Variants in PRKN observed in about 807,000 individuals in gnomAD.
The protein encoded by PRKN is E3 ubiquitin-protein ligase parkin.
In PRKN, 56 loss-of-function variants were observed where a neutral mutation model predicts 59.5. That is an observed-to-expected ratio of 0.94 (90% CI 0.76 to 1.18). The LOEUF (loss-of-function observed/expected upper bound fraction) is 1.18. PRKN is among the 50% of genes most tolerant of loss of function. PRKN has a pLI of 0.00. For missense variants in PRKN, 657 were observed against 596.4 expected (o/e 1.10, Z -1.06); for synonymous variants, 250 against 222.1 (o/e 1.13, Z -1.12).
chr6:162,139,530 A>G (rs1378807081), intron 4 of PRKN, among the ~76,000 whole-genome samples: 5 of 152,110 alleles, frequency 3.3e-5, no homozygotes, highest in Non-Finnish European at 2.9e-5. Context: ...GAGAATCAGC[A>G]TGGCAGTATG....
intron 2 of PRKN, among the ~76,000 whole-genome samples, chr6:162,282,273 C>A (rs2128106660): frequency 6.6e-6 from 1 of 152,186 alleles, no homozygotes; most frequent in Admixed American, 6.5e-5. Context: ...AACAAAGATC[C>A]TGTCCATATT....
At chr6:161,846,043 G>T (rs1793185585) in intron 6 of PRKN, among the ~76,000 whole-genome samples, 1 of 152,106 alleles carries the variant, frequency 6.6e-6, no homozygotes, top group Non-Finnish European at 1.5e-5. Flanking sequence ...GCTGAATTTG[G>T]TCCCAACTTC....
intron 9 of PRKN, among the ~76,000 whole-genome samples, chr6:161,490,130 C>G (rs9365293): frequency 0.41 from 62,976 of 151,974 alleles, 15,956 homozygotes; most frequent in Middle Eastern, 0.58. Flanking sequence ...CTCCTCTAGT[C>G]AAGTTGAAGA....
intron 6 of PRKN, among the ~76,000 whole-genome samples, chr6:161,861,519 C>A (rs1212684331): frequency 6.6e-6 from 1 of 151,850 alleles, no homozygotes. Flanking sequence ...GTGCAGCAAA[C>A]CACCATGGCA....
rs1366597724 is a variant in PRKN at position 162,186,538 on chromosome 6, G to A, written c.534+14593C>T. Among the ~76,000 whole-genome samples the A allele has an allele frequency of 2.6e-5, 4 of 152,230 alleles. No homozygotes were observed. In the East Asian group the frequency reaches 7.7e-4, roughly 29 times the overall value. On this transcript the variant is annotated intron_variant, in intron 4 of 11. Coordinates refer to ENST00000366898, the MANE Select transcript of PRKN (RefSeq NM_004562.3). Reference sequence around the variant, plus strand: ...AGACTCCACTCAGAGAGCTTGATATGGCTCTTCTAGAGTTAAGGAGAAACA... The same window carrying A: ...AGACTCCACTCAGAGAGCTTGATATAGCTCTTCTAGAGTTAAGGAGAAACA...
intron 1 of PRKN, among the ~76,000 whole-genome samples, chr6:162,621,146 C>T (rs1237406573): frequency 2.6e-5 from 4 of 152,114 alleles, no homozygotes; most frequent in Non-Finnish European, 4.4e-5. Flanking sequence ...TTACATCTGT[C>T]TATTGATGCC....
chr6:162,631,868 G>A (rs1783121613), intron 1 of PRKN, among the ~76,000 whole-genome samples: 1 of 151,630 alleles, frequency 6.6e-6, no homozygotes, highest in African/African-American at 2.4e-5. Context: ...TTTATATAGG[G>A]TGAAAGGCAT....
intron 9 of PRKN, among the ~76,000 whole-genome samples, chr6:161,491,262 G>A (rs1192418924): frequency 1.3e-5 from 2 of 152,144 alleles, no homozygotes; most frequent in Admixed American, 1.3e-4. Context: ...GATGGGCAGG[G>A]TGATGCCTGA....
At chr6:161,930,439 T>A (rs1008438314) in intron 6 of PRKN, among the ~76,000 whole-genome samples, 14 of 152,236 alleles carry the variant, frequency 9.2e-5, no homozygotes, top group African/African-American at 3.1e-4. Context: ...CAAGTCATCA[T>A]GGATCACAGG....
intron 2 of PRKN, among the ~76,000 whole-genome samples, chr6:162,434,447 T>C (rs1386718816): frequency 6.6e-6 from 1 of 152,184 alleles, no homozygotes; most frequent in Non-Finnish European, 1.5e-5. Flanking sequence ...TTTCAGTTAA[T>C]TTAACTTCTG....
Position 161,503,368 on chromosome 6 carries a change from C to A in PRKN, c.1083+45486G>T, listed in dbSNP as rs1169382900. On this transcript the variant is annotated intron_variant, in intron 9 of 11. Transcript: ENST00000366898. The surrounding 1 kb of genome is among the most constrained non-coding windows in gnomAD (Gnocchi z 5.1). ...GACTCATGAACTTCTGTTTGCTGCACACTGTGCTCTTTCTGTGGGTTATTC... is the reference window on the plus strand; with the variant it reads ...GACTCATGAACTTCTGTTTGCTGCAAACTGTGCTCTTTCTGTGGGTTATTC... 1.3e-5 allele frequency among the ~76,000 whole-genome samples: 2 copies of A among 152,178 alleles called. No individual in the cohort carries two copies. The highest frequency in any genetic ancestry group is 4.8e-5 in the African/African-American group (2 of 41,434).
rs886086982 is a variant in PRKN at position 161,538,958 on chromosome 6, G to C, written c.1083+9896C>G. 6.6e-6 allele frequency among the ~76,000 whole-genome samples: 1 copy of C among 152,120 alleles called. No individual in the cohort carries two copies. Among genetic ancestry groups the C allele is most frequent in the Non-Finnish European group, 1.5e-5 (1 of 68,034 alleles). ...ACAGCAGGTACTTAGCGCTGACCTT[G>C]GTGTTCCTGTTTCGTGTGAAGAGTG... On this transcript the variant is annotated intron_variant, in intron 9 of 11. Coordinates refer to ENST00000366898, the MANE Select transcript of PRKN (RefSeq NM_004562.3). The surrounding 1 kb of genome is among the most constrained non-coding windows in gnomAD (Gnocchi z 4.2).
chr6:162,323,369 C>T (rs890256299), intron 2 of PRKN, among the ~76,000 whole-genome samples: 5 of 151,340 alleles, frequency 3.3e-5, no homozygotes, highest in Non-Finnish European at 5.9e-5. Context: ...GATAATAATA[C>T]AAAAATCTAT....
intron 2 of PRKN, among the ~76,000 whole-genome samples, chr6:162,376,113 T>A (rs1786059978): frequency 6.6e-6 from 1 of 152,084 alleles, no homozygotes; most frequent in African/African-American, 2.4e-5. Context: ...GAGACTAGAT[T>A]CTGTCTCCCT....
intron 2 of PRKN, among the ~76,000 whole-genome samples, chr6:162,442,832 C>T (rs1790123101): frequency 1.3e-5 from 2 of 152,146 alleles, no homozygotes; most frequent in Non-Finnish European, 2.9e-5. Flanking sequence ...CCAATGGGCC[C>T]CGGAGCCCAC....
At chr6:161,917,092 G>A (rs1423313909) in intron 6 of PRKN, among the ~76,000 whole-genome samples, 1 of 152,008 alleles carries the variant, frequency 6.6e-6, no homozygotes, top group African/African-American at 2.4e-5. Flanking sequence ...GTGAGCCACC[G>A]CATCCAGCCT....
intron 1 of PRKN, chr6:162,569,413 C>T (rs1303758331): frequency 1.9e-5 from 13 of 681,598 alleles, no homozygotes; most frequent in Middle Eastern, 7.5e-4. Flanking sequence ...AGCTGAAGAA[C>T]ATGAAGCTGG....
intron 6 of PRKN, among the ~76,000 whole-genome samples, chr6:161,929,133 G>C (rs1242291122): frequency 2.0e-5 from 3 of 152,040 alleles, no homozygotes; most frequent in African/African-American, 7.2e-5. Context: ...AATATTATTT[G>C]GCCATAAAAA....
rs915143922 is a variant in PRKN, at chr6:161,419,977, G to A, written c.1084-33100C>T. 2.6e-5 allele frequency among the ~76,000 whole-genome samples: 4 copies of A among 151,890 alleles called. No homozygotes were observed. The highest frequency in any genetic ancestry group is 7.2e-5 in the African/African-American group (3 of 41,392). ...GATAAGGCTGGGCGTGGTGGCTCACGCCTGTAATCCCAGCACTTTGGGAGG... is the reference window on the plus strand; with the variant it reads ...GATAAGGCTGGGCGTGGTGGCTCACACCTGTAATCCCAGCACTTTGGGAGG... On this transcript the variant is annotated intron_variant, in intron 9 of 11. Coordinates refer to ENST00000366898, the MANE Select transcript of PRKN (RefSeq NM_004562.3). This position sits in a 1 kb window ranked among gnomAD's most constrained non-coding sequence, Gnocchi z 4.1.
Sources: gnomAD v4.1 joint callset for allele counts (sites outside exome capture counted in the v4.1 genomes callset) on GRCh38, gnomAD v4.1.1 for gene constraint, Gnocchi (gnomAD v3.1) non-coding constraint, MANE v1.5 for transcripts, NCBI Gene and HGNC (gene_info 2026-07-23, HGNC 2026-07-21) for gene names.